The following RNLS variants were observed in gnomAD, a reference collection of about 807,000 sequenced individuals.
RNLS encodes the protein renalase.
In RNLS, 39 loss-of-function variants were observed where a neutral mutation model predicts 39.8. The ratio of observed to expected loss-of-function variants is 0.98; its 90% CI spans 0.76 to 1.28. The LOEUF is 1.28. Among genes scored for constraint, RNLS ranks in the 50% most tolerant of loss-of-function variants. The probability of loss-of-function intolerance (pLI) is 0.00; values close to 1 mark genes in which losing one functional copy is unlikely to be tolerated. For missense variants in RNLS, 410 were observed against 413.3 expected (o/e 0.99, Z 0.07); for synonymous variants, 147 against 150.7 (o/e 0.98, Z 0.18).
rs539404621 is a variant in RNLS, at chr10:88,480,468, C to T, written c.526+92435G>A. Among the ~76,000 whole-genome samples, 205 of 152,332 alleles carry T rather than the reference C, an allele frequency of 1.3e-3. 1 individual carries two copies. The highest frequency in any genetic ancestry group is 7.1e-3 in the South Asian group (34 of 4,820). The stretch of plus-strand genomic sequence containing the variant: ...CGGAGTCTCACTCTTGTTGCCTAGG[C>T]GGGAGTGCAATGGTGCAACCTTGGC... On this transcript the variant is annotated intron_variant, in intron 4 of 6. Coordinates refer to ENST00000331772, the MANE Select transcript of RNLS (RefSeq NM_001031709.3).
intron 6 of RNLS, among the ~76,000 whole-genome samples, chr10:88,305,279 A>G (rs1844836272): frequency 6.6e-6 from 1 of 152,170 alleles, no homozygotes; most frequent in African/African-American, 2.4e-5. Flanking sequence ...CCATAAAGCA[A>G]CCACATAAAC....
chr10:88,554,166 G>A (rs905276105), intron 4 of RNLS, among the ~76,000 whole-genome samples: 1 of 150,076 alleles, frequency 6.7e-6, no homozygotes, highest in African/African-American at 2.5e-5. Context: ...ATTTTAATTA[G>A]TTTGATCCAA....
chr10:88,512,323 CTG>C (rs928437932), intron 4 of RNLS, among the ~76,000 whole-genome samples: 12 of 152,256 alleles, frequency 7.9e-5, no homozygotes, highest in Admixed American at 6.5e-4. Flanking sequence ...TAAATTATCT[CTG>C]TGTAGTTCTA....
the RNLS span, among the ~76,000 whole-genome samples, chr10:88,238,526 G>A: frequency 9.2e-5 from 14 of 152,022 alleles, no homozygotes; most frequent in African/African-American, 3.4e-4. Context: ...AAGCAAGCAC[G>A]GTTCCTTTTA....
intron 4 of RNLS, among the ~76,000 whole-genome samples, chr10:88,548,214 A>C (rs1409849841): frequency 1.1e-4 from 15 of 130,876 alleles, no homozygotes; most frequent in Non-Finnish European, 1.7e-4. Context: ...GTGAGCCGAG[A>C]TCACGCCATT....
the RNLS span, among the ~76,000 whole-genome samples, chr10:88,181,568 G>A: frequency 6.6e-6 from 1 of 152,118 alleles, no homozygotes; most frequent in African/African-American, 2.4e-5. Context: ...AATGAAATAA[G>A]ACTGCCATGA....
At chr10:88,543,690 CA>C (rs1032089052) in intron 4 of RNLS, among the ~76,000 whole-genome samples, 7 of 152,014 alleles carry the variant, frequency 4.6e-5, no homozygotes, top group Non-Finnish European at 8.8e-5. Context: ...TAAAATCAAC[CA>C]TAATAAAATG....
At position 88,582,967 on chromosome 10, in the gene RNLS, G is replaced by C. The variant is rs930713429; in HGVS notation, c.118+106C>G. ...GCTACACGGCCGCTCAGGGAGCTGA[G>C]GGTATAGCGTTTTCGCCTTAGACTT... On this transcript the variant is annotated intron_variant, in intron 1 of 6. Transcript: ENST00000331772. 3 of 1,303,542 alleles carry C rather than the reference G, an allele frequency of 2.3e-6. No individual in the cohort carries two copies. In the African/African-American group the frequency reaches 4.6e-5, roughly 20 times the overall value. 80.7% of individuals were successfully genotyped at this position (1,303,542 alleles called of 1,614,324 possible). A position where few individuals can be genotyped will look rare whatever the true frequency, so the allele number is the denominator to read the frequency against.
chr10:88,383,180 C>A (rs1473161943), intron 4 of RNLS, among the ~76,000 whole-genome samples: 1 of 152,010 alleles, frequency 6.6e-6, no homozygotes, highest in African/African-American at 2.4e-5. Context: ...TATTCTACTT[C>A]TCTATCACAT....
At chr10:88,548,149 C>G (rs1848412178) in intron 4 of RNLS, among the ~76,000 whole-genome samples, 2 of 150,486 alleles carry the variant, frequency 1.3e-5, no homozygotes, top group Non-Finnish European at 3.0e-5. Flanking sequence ...GTAGTCCCAG[C>G]TACTCCGGAG....
At chr10:88,258,916 G>A in the RNLS span, among the ~76,000 whole-genome samples, 3 of 152,222 alleles carry the variant, frequency 2.0e-5, no homozygotes, top group East Asian at 3.8e-4. Flanking sequence ...GCAACAAAGT[G>A]CAGTCTTTAA....
intron 4 of RNLS, among the ~76,000 whole-genome samples, chr10:88,378,151 ATGTC>A (rs1254962824): frequency 2.0e-5 from 3 of 152,086 alleles, no homozygotes; most frequent in African/African-American, 7.2e-5. Context: ...TCCTATAACA[ATGTC>A]TTCTTTAGGA....
chr10:88,333,661 C>T (rs1847278411), intron 5 of RNLS, among the ~76,000 whole-genome samples: 1 of 152,112 alleles, frequency 6.6e-6, no homozygotes, highest in African/African-American at 2.4e-5. Context: ...AGAAACAATG[C>T]TGCAACAAAC....
At chr10:88,427,102 G>A (rs1414338939) in intron 4 of RNLS, among the ~76,000 whole-genome samples, 1 of 152,004 alleles carries the variant, frequency 6.6e-6, no homozygotes, top group Non-Finnish European at 1.5e-5. Flanking sequence ...AAGAAAATTG[G>A]AGATTCGTGG....
intron 4 of RNLS, among the ~76,000 whole-genome samples, chr10:88,566,948 A>T (rs759558159): frequency 3.4e-4 from 51 of 152,148 alleles, no homozygotes; most frequent in Non-Finnish European, 8.8e-5. Flanking sequence ...AAGATAAAAA[A>T]TATAAAAGAG....
the RNLS span, among the ~76,000 whole-genome samples, chr10:88,227,008 G>C: frequency 1.3e-5 from 2 of 152,046 alleles, no homozygotes; most frequent in African/African-American, 2.4e-5. Flanking sequence ...CCCACTGCCT[G>C]GTTTTGTAAA....
At chr10:88,250,683 T>C in the RNLS span, among the ~76,000 whole-genome samples, 18 of 152,228 alleles carry the variant, frequency 1.2e-4, no homozygotes, top group African/African-American at 3.9e-4. Context: ...TTAAAAACTT[T>C]GTGTGGACCA....
chr10:88,351,473 T>C (rs1055795302), intron 5 of RNLS, among the ~76,000 whole-genome samples: 1 of 152,218 alleles, frequency 6.6e-6, no homozygotes, highest in Non-Finnish European at 1.5e-5. Context: ...CCAGCACCAT[T>C]TGTTAAATAG....
intron 6 of RNLS, among the ~76,000 whole-genome samples, chr10:88,290,625 T>C (rs771802984): frequency 6.6e-6 from 1 of 152,212 alleles, no homozygotes; most frequent in African/African-American, 2.4e-5. Context: ...TTTATCTACA[T>C]GTATCTTTTG....
Sources: allele counts gnomAD v4.1 joint callset (sites outside exome capture counted in the v4.1 genomes callset), GRCh38; gene constraint gnomAD v4.1.1; transcripts MANE v1.5; gene names NCBI Gene and HGNC (gene_info 2026-07-23, HGNC 2026-07-21).